The following CSE1L variants were observed in gnomAD, a reference collection of about 807,000 sequenced individuals.
The protein encoded by CSE1L is exportin-2.
In CSE1L, 24 loss-of-function variants were observed where a neutral mutation model predicts 120.4. That is an observed-to-expected ratio of 0.20 (90% CI 0.14 to 0.28). CSE1L has a LOEUF of 0.28. CSE1L is among the 10% of genes least tolerant of loss of function. The pLI is 1.00. For synonymous variants in CSE1L, 402 were observed against 398.3 expected, an observed-to-expected ratio of 1.01 and a Z score of -0.11; for missense variants, 830 against 1,145.2, an observed-to-expected ratio of 0.72 and a Z score of 3.97.
chr20:49,088,910 A>G (rs949630628), intron 17 of CSE1L, among the ~76,000 whole-genome samples: 1 of 152,188 alleles, frequency 6.6e-6, no homozygotes, highest in Admixed American at 6.5e-5. Context: ...GGGGATTATC[A>G]GTAAGTAGAC....
chr20:49,052,357 A>G (rs1055413378), intron 1 of CSE1L, among the ~76,000 whole-genome samples: 2 of 152,200 alleles, frequency 1.3e-5, no homozygotes, highest in African/African-American at 2.4e-5. Context: ...AATGAGGGTA[A>G]TTGCTAACAC....
chr20:49,052,512 A>G (rs535408464), intron 1 of CSE1L, among the ~76,000 whole-genome samples: 41 of 152,286 alleles, frequency 2.7e-4, no homozygotes, highest in Non-Finnish European at 4.3e-4. Context: ...CAGTTTGTAG[A>G]ACAGAAGGCT....
At chr20:49,082,590 G>A (rs2092021995) in intron 14 of CSE1L, among the ~76,000 whole-genome samples, 2 of 152,026 alleles carry the variant, frequency 1.3e-5, no homozygotes, top group South Asian at 4.1e-4. Flanking sequence ...CACGATCTTG[G>A]CTCACTGCAA....
chr20:49,054,190 G>A (rs2091789494), intron 1 of CSE1L, among the ~76,000 whole-genome samples: 1 of 152,196 alleles, frequency 6.6e-6, no homozygotes, highest in Non-Finnish European at 1.5e-5. Context: ...TAGGTGGTGG[G>A]ATCTACTCAG....
In CSE1L at chr20:49,066,237, A is replaced by G. The variant is rs778787944; in HGVS notation, c.274A>G (p.Ile92Val). Residue 92 changes from isoleucine (I) to valine (V), a missense_variant, in exon 4 of 25, where the codon ATT becomes GTT. Physicochemically the swap from Ile to Val is conservative, Grantham distance 29. Transcript: ENST00000262982. ...NKICEADRVA[I>V]KANIVHLMLS... ...AATTTGTGAAGCCGATCGAGTGGCC[A>G]TTAAAGCCAACATAGTGCACTTGAT... 3 of 1,614,264 alleles carry G rather than the reference A, an allele frequency of 1.9e-6. No individual in the cohort carries two copies. The highest frequency in any genetic ancestry group is 1.7e-6 in the Non-Finnish European group (2 of 1,180,046).
intron 13 of CSE1L, 40 bp downstream of exon 13, chr20:49,077,104 A>G (rs1318257121): frequency 1.6e-6 from 2 of 1,212,770 alleles, no homozygotes; most frequent in Admixed American, 2.2e-5. Context: ...AGCTTGCCAC[A>G]CTATACCTGA....
intron 1 of CSE1L, among the ~76,000 whole-genome samples, chr20:49,054,117 T>C (rs1448781912): frequency 1.3e-5 from 2 of 152,178 alleles, no homozygotes; most frequent in African/African-American, 4.8e-5. Flanking sequence ...GTATGTGTGG[T>C]TTAATGGGAC....
intron 1 of CSE1L, among the ~76,000 whole-genome samples, chr20:49,050,385 ATTTTTTTTTTTTTTTTTT>A: frequency 1.3e-5 from 1 of 79,018 alleles, no homozygotes; most frequent in East Asian, 3.4e-4. Context: ...AGCCCAGCTA[ATTTTTTTTTTTTTTTTTT>A]TTTTTTTTTG....
intron 1 of CSE1L, among the ~76,000 whole-genome samples, chr20:49,053,798 C>T (rs1015492549): frequency 2.0e-5 from 3 of 152,192 alleles, no homozygotes; most frequent in Non-Finnish European, 4.4e-5. Flanking sequence ...GGGCAATCCT[C>T]CCACCTTAGC....
At chr20:49,064,175 A>C (rs1276482203) in intron 3 of CSE1L, among the ~76,000 whole-genome samples, 1 of 152,244 alleles carries the variant, frequency 6.6e-6, no homozygotes, top group African/African-American at 2.4e-5. Flanking sequence ...ATCTGAGCCA[A>C]AATGTCAGAT....
chr20:49,083,271 G>T (rs191564331), intron 14 of CSE1L, among the ~76,000 whole-genome samples: 1 of 152,072 alleles, frequency 6.6e-6, no homozygotes, highest in East Asian at 1.9e-4. Context: ...TACCCACCTC[G>T]GCCTCCCAAA....
At chr20:49,075,548 C>G (rs774142556) in intron 12 of CSE1L, 28 bp downstream of exon 12, 1 of 1,579,496 alleles carries the variant, frequency 6.3e-7, no homozygotes, top group East Asian at 2.2e-5. Flanking sequence ...GGTTTTGTTT[C>G]TAAAACAGAC....
intron 1 of CSE1L, among the ~76,000 whole-genome samples, chr20:49,055,324 AG>A (rs2091797940): frequency 6.6e-6 from 1 of 152,222 alleles, no homozygotes; most frequent in Non-Finnish European, 1.5e-5. Flanking sequence ...AAGGGTATAT[AG>A]GCCTGTACTT....
chr20:49,077,647 A>G (rs990655424), intron 13 of CSE1L, among the ~76,000 whole-genome samples: 1 of 152,144 alleles, frequency 6.6e-6, no homozygotes, highest in Non-Finnish European at 1.5e-5. Context: ...TTTCTTTTTT[A>G]TTTGAAAGAC....
chr20:49,076,823 A>C (rs2091972309), intron 12 of CSE1L, among the ~76,000 whole-genome samples, 157 bp from the exon 13 acceptor site: 1 of 152,084 alleles, frequency 6.6e-6, no homozygotes, highest in African/African-American at 2.4e-5. Context: ...GAGCTCCTGT[A>C]CACAGCCAGT....
chr20:49,074,260 T>G (rs1296059571), intron 10 of CSE1L, among the ~76,000 whole-genome samples: 1 of 145,786 alleles, frequency 6.9e-6, no homozygotes, highest in Non-Finnish European at 1.5e-5. Context: ...AAAATAGAGA[T>G]GAGATCTCGC....
intron 14 of CSE1L, among the ~76,000 whole-genome samples, chr20:49,082,764 G>A (rs1027418576): frequency 6.6e-5 from 10 of 150,888 alleles, no homozygotes; most frequent in African/African-American, 2.0e-4. Flanking sequence ...GTTGTGATCC[G>A]CCCGCCTTGG....
intron 1 of CSE1L, among the ~76,000 whole-genome samples, chr20:49,053,171 T>A (rs867147017): frequency 1.4e-4 from 18 of 129,584 alleles, no homozygotes; most frequent in South Asian, 2.6e-4. Context: ...TTTTTTTTTT[T>A]AAAGACAAAA....
intron 19 of CSE1L, among the ~76,000 whole-genome samples, chr20:49,090,318 G>A (rs1456721773): frequency 2.0e-5 from 3 of 152,150 alleles, no homozygotes; most frequent in Non-Finnish European, 4.4e-5. Flanking sequence ...AGCACTTTGG[G>A]AGGCCGAGGT....
Sources: gnomAD v4.1 joint callset for allele counts (sites outside exome capture counted in the v4.1 genomes callset) on GRCh38, gnomAD v4.1.1 for gene constraint, MANE v1.5 for transcripts, NCBI Gene and HGNC (gene_info 2026-07-23, HGNC 2026-07-21) for gene names.